Variants in DOCK9 observed in about 807,000 individuals in gnomAD.
DOCK9 encodes the protein dedicator of cytokinesis 9.
A neutral mutation model predicts 263.3 loss-of-function variants in DOCK9; 89 were observed. That is an observed-to-expected ratio of 0.34 (90% CI 0.28 to 0.40). The LOEUF is 0.40. Among genes scored for constraint, DOCK9 ranks in the 10% least tolerant of loss-of-function variants. The pLI, the probability that DOCK9 is intolerant of heterozygous loss-of-function variation, is 1.00. For synonymous variants in DOCK9, 976 were observed against 973.1 expected (o/e 1.00, Z -0.06); for missense variants, 2,140 against 2,603.4 (o/e 0.82, Z 3.87).
At chr13:98,971,401 T>C (rs1342591172) in intron 1 of DOCK9, among the ~76,000 whole-genome samples, 1 of 152,174 alleles carries the variant, frequency 6.6e-6, no homozygotes, top group African/African-American at 2.4e-5. Flanking sequence ...GGATCATCTA[T>C]AAATTTTTTA....
At chr13:98,800,612 C>T (rs1651947746) in intron 49 of DOCK9, 134 bp from the exon 50 acceptor site, 1 of 1,033,552 alleles carries the variant, frequency 9.7e-7, no homozygotes, top group Non-Finnish European at 1.4e-6. Context: ...CCAAAGCTTG[C>T]CAAAGACACA....
chr13:98,831,016 A>G (rs906519939), intron 41 of DOCK9, among the ~76,000 whole-genome samples: 2 of 152,180 alleles, frequency 1.3e-5, no homozygotes, highest in African/African-American at 4.8e-5. Flanking sequence ...GAAAAGAACC[A>G]CTTAGGTTGG....
chr13:98,819,612 A>G (rs545517379), intron 45 of DOCK9, among the ~76,000 whole-genome samples: 2 of 152,318 alleles, frequency 1.3e-5, no homozygotes, highest in Admixed American at 6.5e-5. Flanking sequence ...ACAGCCACCC[A>G]AACTCCACTG....
At chr13:98,995,404 C>T (rs1450314755) in intron 1 of DOCK9, among the ~76,000 whole-genome samples, 3 of 150,014 alleles carry the variant, frequency 2.0e-5, no homozygotes, top group Non-Finnish European at 4.4e-5. Context: ...AGTTTATTTA[C>T]AATTGTGTTA....
chr13:98,871,778 G>A (rs1271813979), intron 27 of DOCK9: 3 of 152,492 alleles, frequency 2.0e-5, no homozygotes, highest in African/African-American at 4.8e-5. Context: ...TTTCTGTCCT[G>A]GCACCACCTG....
Position 98,881,889 on chromosome 13 carries a change from T to C in DOCK9, c.2675+3A>G. On this transcript the variant is annotated splice_donor_region_variant and intron_variant, in intron 24 of 52. Transcript: ENST00000682017. ...AGGAAGAGCATCCATCCACCTCCCT[T>C]ACCGAGTCACGTTAACCGCGACTTC... 6.4e-7 allele frequency: 1 copy of C among 1,563,774 alleles called. No homozygotes were observed.
intron 2 of DOCK9, among the ~76,000 whole-genome samples, chr13:98,950,967 C>G (rs963518397): frequency 1.3e-5 from 2 of 152,158 alleles, no homozygotes; most frequent in Admixed American, 1.3e-4. Context: ...AAAAGGCAGG[C>G]GTCCTGGGCT....
chr13:98,888,126 C>G lies in DOCK9; in HGVS notation c.2043+32G>C, dbSNP rs184311784. 5.1e-4 allele frequency: 751 copies of G among 1,465,332 alleles called. 4 individuals carry two copies. Among genetic ancestry groups the G allele is most frequent in the Non-Finnish European group, 1.2e-4 (132 of 1,074,672 alleles). The allele number at this position is 1,465,332 out of a possible 1,614,324, so 90.8% of individuals were successfully genotyped here. On this transcript the variant is annotated intron_variant, in intron 18 of 52. Transcript: ENST00000682017. Reference sequence around the variant, plus strand: ...TTTTGAAAATGGAAAAATCAGAATTCGTAGGTGAACATATATTAAAAAAAA... The same window carrying G: ...TTTTGAAAATGGAAAAATCAGAATTGGTAGGTGAACATATATTAAAAAAAA...
intron 2 of DOCK9, among the ~76,000 whole-genome samples, chr13:98,934,550 A>T (rs901401181): frequency 6.6e-6 from 1 of 152,256 alleles, no homozygotes; most frequent in African/African-American, 2.4e-5. Context: ...TCAAAAACAG[A>T]AAACCAAAAC....
chr13:98,889,174 T>C (rs550421440), intron 15 of DOCK9, among the ~76,000 whole-genome samples: 1 of 152,212 alleles, frequency 6.6e-6, no homozygotes, highest in African/African-American at 2.4e-5. Flanking sequence ...TCATCACCAT[T>C]TGGGGGAGCT....
chr13:98,987,511 C>A (rs1406646185), intron 1 of DOCK9, among the ~76,000 whole-genome samples: 1 of 152,074 alleles, frequency 6.6e-6, no homozygotes, highest in Non-Finnish European at 1.5e-5. Context: ...AGGTTAAATA[C>A]AAAACAAGTG....
At position 98,977,822 on chromosome 13, in the gene DOCK9, G is replaced by C; in HGVS notation, c.88C>G (p.Gln30Glu). The change falls in exon 1 of 53, where the codon CAG (glutamine) becomes GAG (glutamate). Residue 30 changes from glutamine (Q) to glutamate (E), a missense_variant. Gln to Glu is a conservative substitution (Grantham distance 29). Transcript: ENST00000682017. ...ESPLQYKDAAQGEVEAESPGP... is the reference protein window; with the variant it reads ...ESPLQYKDAAEGEVEAESPGP... ...GGGCTCTCTGCTTCCACTTCGCCCT[G>C]AGCTGCATCCTTGTATTGCAGGGGG... 6.2e-7 allele frequency: 1 copy of C among 1,610,718 alleles called. No individual in the cohort carries two copies. Among genetic ancestry groups the C allele is most frequent in the Non-Finnish European group, 8.5e-7 (1 of 1,178,448 alleles).
intron 1 of DOCK9, among the ~76,000 whole-genome samples, chr13:99,027,082 C>T (rs1047415545): frequency 3.3e-5 from 5 of 152,082 alleles, no homozygotes; most frequent in African/African-American, 1.2e-4. Flanking sequence ...TGTAGTGCCA[C>T]AATCTCGGCT....
chr13:98,899,793 C>T (rs1021488981), intron 13 of DOCK9, among the ~76,000 whole-genome samples: 2 of 152,166 alleles, frequency 1.3e-5, no homozygotes, highest in Admixed American at 6.5e-5. Context: ...ACTTAGCTCT[C>T]GGACATATGA....
chr13:98,817,451 CTT>C (rs10683281), intron 45 of DOCK9, among the ~76,000 whole-genome samples: 8 of 97,632 alleles, frequency 8.2e-5, no homozygotes, highest in Admixed American at 2.6e-4. Context: ...ATACACCCAG[CTT>C]TTTTTTTTTT....
intron 41 of DOCK9, among the ~76,000 whole-genome samples, chr13:98,830,684 C>T (rs1359506693): frequency 1.3e-5 from 2 of 152,216 alleles, no homozygotes; most frequent in African/African-American, 2.4e-5. Flanking sequence ...TCAAGTTCCT[C>T]TACAATAACA....
At chr13:99,040,294 T>C (rs1454858121) in intron 1 of DOCK9, among the ~76,000 whole-genome samples, 1 of 152,220 alleles carries the variant, frequency 6.6e-6, no homozygotes, top group African/African-American at 2.4e-5. Context: ...TAAATGTTTA[T>C]GTTTAAACCA....
At chr13:99,030,948 G>A (rs1887272986) in intron 1 of DOCK9, among the ~76,000 whole-genome samples, 1 of 152,060 alleles carries the variant, frequency 6.6e-6, no homozygotes, top group African/African-American at 2.4e-5. Flanking sequence ...GATGATAAAT[G>A]TTCATGCTTG....
At chr13:98,848,232 CAG>C (rs748043397) in intron 37 of DOCK9, among the ~76,000 whole-genome samples, 2 of 151,970 alleles carry the variant, frequency 1.3e-5, no homozygotes, top group Non-Finnish European at 2.9e-5. Context: ...GAAAGTCAAA[CAG>C]AGGAAGAGAA....
Sources: gnomAD v4.1 joint callset for allele counts (sites outside exome capture counted in the v4.1 genomes callset) on GRCh38, gnomAD v4.1.1 for gene constraint, MANE v1.5 for transcripts, NCBI Gene and HGNC (gene_info 2026-07-23, HGNC 2026-07-21) for gene names.